PHF21A: variants seen among roughly 807,000 people sequenced by gnomAD.
The protein encoded by PHF21A is BHC80a.
A neutral mutation model predicts 82.5 loss-of-function variants in PHF21A; 11 were observed. That is an observed-to-expected ratio of 0.13 (90% confidence interval 0.08 to 0.22). PHF21A has a LOEUF of 0.22. PHF21A is among the 10% of genes least tolerant of loss of function. The pLI, the probability that PHF21A is intolerant of heterozygous loss-of-function variation, is 1.00. For synonymous variants in PHF21A, 297 were observed against 302.8 expected, an observed-to-expected ratio of 0.98 and a Z score of 0.20; for missense variants, 579 against 837.8, an observed-to-expected ratio of 0.69 and a Z score of 3.81.
At position 45,932,414 on chromosome 11, in the gene PHF21A, G is replaced by A. The variant is rs1027311293; in HGVS notation, c.*1554C>T. The A allele has an allele frequency of 5.3e-5, 8 of 152,214 alleles. No homozygotes were observed. The highest frequency in any genetic ancestry group is 4.6e-4 in the Admixed American group (7 of 15,278). 9.4% of individuals were successfully genotyped at this position (152,214 alleles called of 1,614,324 possible). A position where few individuals can be genotyped will look rare whatever the true frequency, so the allele number is the denominator to read the frequency against. ...ACAAGATCCCTGCACCAAGAAGAGA[G>A]CACGGTCTTTTCTGAGGAGAGAGAA... is the stretch of plus-strand genomic sequence containing the variant. On this transcript the variant is annotated 3_prime_UTR_variant, in exon 19 of 19. Transcript: ENST00000676320. The surrounding 1 kb of genome is among the most constrained non-coding windows in gnomAD (Gnocchi z 4.3).
At chr11:46,062,371 T>C (rs2096545943) in intron 6 of PHF21A, among the ~76,000 whole-genome samples, 1 of 152,182 alleles carries the variant, frequency 6.6e-6, no homozygotes, top group African/African-American at 2.4e-5. Flanking sequence ...TCTTAAAATT[T>C]TTCTCTATTC....
intron 6 of PHF21A, among the ~76,000 whole-genome samples, chr11:46,074,352 T>C (rs1393170071): frequency 2.0e-5 from 3 of 152,142 alleles, no homozygotes; most frequent in Non-Finnish European, 4.4e-5. Flanking sequence ...AAAAAATTAA[T>C]GTTAACTTAA....
chr11:46,018,671 A>G (rs1037339669), intron 6 of PHF21A, among the ~76,000 whole-genome samples: 2 of 152,236 alleles, frequency 1.3e-5, no homozygotes, highest in African/African-American at 4.8e-5. Context: ...GGCAAAAGAT[A>G]ATTTGGTAAA....
rs978626678 is a variant in PHF21A, at chr11:46,025,842, G to C, written c.154-45876C>G. Among the ~76,000 whole-genome samples, 3 of 152,204 alleles carry C rather than the reference G, an allele frequency of 2.0e-5. No individual in the cohort carries two copies. The South Asian group carries it at 6.2e-4, about 32-fold the overall frequency. Reference sequence around the variant, plus strand: ...CATCGGCAGATATGTGATGGAGCAAGTATAGGTGATGGGCTGTGACTGCTC... The same window carrying C: ...CATCGGCAGATATGTGATGGAGCAACTATAGGTGATGGGCTGTGACTGCTC... On this transcript the variant is annotated intron_variant, in intron 6 of 18. Transcript: ENST00000676320.
chr11:46,067,295 A>G (rs2096605827), intron 6 of PHF21A, among the ~76,000 whole-genome samples: 1 of 152,180 alleles, frequency 6.6e-6, no homozygotes, highest in African/African-American at 2.4e-5. Context: ...CAAGTATCTG[A>G]AAAGTCTAGA....
chr11:46,090,575 A>G lies in PHF21A; in HGVS notation c.-195-9T>C, dbSNP rs2096912134. The G allele has an allele frequency of 6.6e-6, 1 of 152,192 alleles. No homozygotes were observed. Among genetic ancestry groups the G allele is most frequent in the Non-Finnish European group, 1.5e-5 (1 of 68,034 alleles). 9.4% of individuals were successfully genotyped at this position (152,192 alleles called of 1,614,324 possible). ...AAAGGTTCTGAGAAGTCCTGCAGTAAAGAAACCTGTTTAACTTTGTTTAAT... is the reference window on the plus strand; with the variant it reads ...AAAGGTTCTGAGAAGTCCTGCAGTAGAGAAACCTGTTTAACTTTGTTTAAT... On this transcript the variant is annotated splice_polypyrimidine_tract_variant and intron_variant, in intron 2 of 18. Coordinates refer to ENST00000676320, the MANE Select transcript of PHF21A (RefSeq NM_001352027.3).
chr11:46,020,401 T>C (rs1179313547), intron 6 of PHF21A, among the ~76,000 whole-genome samples: 2 of 152,110 alleles, frequency 1.3e-5, no homozygotes, highest in East Asian at 3.8e-4. Flanking sequence ...CTGACACTGT[T>C]CGATGGGTCT....
intron 1 of PHF21A, among the ~76,000 whole-genome samples, chr11:46,110,147 C>T (rs912266672): frequency 1.3e-5 from 2 of 152,036 alleles, no homozygotes; most frequent in African/African-American, 2.4e-5. Context: ...AATTTACATA[C>T]ACAACTTTAG....
rs754937092 is a variant in PHF21A, at chr11:45,981,940, C to CTTTTTTTTTTTTTTTTT, written c.154-1991_154-1975dup. On this transcript the variant is annotated intron_variant, in intron 6 of 18. Transcript: ENST00000676320. The stretch of plus-strand genomic sequence containing the variant: ...GGTTTGTTTCTCTCTTTTTGTTTTT[C>CTTTTTTTTTTTTTTTTT]TTTTTTTTTTTTTTTTTTTTTTTTT... Among the ~76,000 whole-genome samples the CTTTTTTTTTTTTTTTTT allele has an allele frequency of 1.7e-3, 137 of 78,286 alleles. 1 individual carries two copies. Among genetic ancestry groups the CTTTTTTTTTTTTTTTTT allele is most frequent in the South Asian group, 2.7e-3 (5 of 1,832 alleles). The allele number at this position is 78,286 out of a possible 152,430, so 51.4% of individuals were successfully genotyped here. A position where few individuals can be genotyped will look rare whatever the true frequency, so the allele number is the denominator to read the frequency against.
chr11:46,009,758 A>G (rs1463718868), intron 6 of PHF21A, among the ~76,000 whole-genome samples: 1 of 152,136 alleles, frequency 6.6e-6, no homozygotes, highest in Non-Finnish European at 1.5e-5. Context: ...CAATACAATT[A>G]ATATAATTCT....
At chr11:45,961,650 A>C (rs565870107) in intron 10 of PHF21A, among the ~76,000 whole-genome samples, 2 of 151,876 alleles carry the variant, frequency 1.3e-5, no homozygotes, top group Admixed American at 1.3e-4. Flanking sequence ...TGTTACATAG[A>C]AGTCTTTGTT....
intron 6 of PHF21A, among the ~76,000 whole-genome samples, chr11:46,056,562 G>T (rs188746719): frequency 1.2e-4 from 19 of 152,212 alleles, no homozygotes; most frequent in Non-Finnish European, 1.5e-5. Flanking sequence ...GGAGACAGGA[G>T]AAATTAACAG....
chr11:45,973,810 T>C (rs957789316), intron 7 of PHF21A, among the ~76,000 whole-genome samples: 2 of 152,224 alleles, frequency 1.3e-5, no homozygotes, highest in African/African-American at 4.8e-5. Context: ...AATCCAGTGC[T>C]ATCGTGGATT....
rs912002228 is a variant in PHF21A at position 46,014,776 on chromosome 11, C to T, written c.154-34810G>A. 9.5e-5 allele frequency among the ~76,000 whole-genome samples: 5 copies of T among 52,396 alleles called. 1 individual carries two copies. The highest frequency in any genetic ancestry group is 6.0e-4 in the African/African-American group (3 of 4,960). 34.4% of individuals were successfully genotyped at this position (52,396 alleles called of 152,430 possible). On this transcript the variant is annotated intron_variant, in intron 6 of 18. Coordinates refer to ENST00000676320, the MANE Select transcript of PHF21A (RefSeq NM_001352027.3). ...CGGGCGGATCACGAGGTCAGGAGAT[C>T]GAGACCATCCCGGCTAAAACGGTGA...
chr11:46,117,431 T>C (rs1851644060), intron 1 of PHF21A: 1 of 152,232 alleles, frequency 6.6e-6, no homozygotes, highest in African/African-American at 2.4e-5. Flanking sequence ...CTACCACTGA[T>C]ACAACTTGAC....
intron 6 of PHF21A, among the ~76,000 whole-genome samples, chr11:46,003,529 C>T (rs2095211528): frequency 1.3e-5 from 2 of 152,076 alleles, no homozygotes; most frequent in South Asian, 2.1e-4. Flanking sequence ...TTTTAAAACA[C>T]CATAAAGCTG....
chr11:46,050,641 A>G (rs1334304939), intron 6 of PHF21A, among the ~76,000 whole-genome samples: 3 of 152,248 alleles, frequency 2.0e-5, no homozygotes, highest in Admixed American at 1.3e-4. Context: ...TATTAAGCAC[A>G]ATGTTCAAGA....
In PHF21A at chr11:45,930,455, A is replaced by G. The variant is rs1025805355; in HGVS notation, c.*3513T>C. ...TAACTGCCTCCCTATGTCAGGTACA[A>G]CCAGCAGGCTTACCCCAAAGGGCCT... On this transcript the variant is annotated 3_prime_UTR_variant, in exon 19 of 19. Coordinates refer to ENST00000676320, the MANE Select transcript of PHF21A (RefSeq NM_001352027.3). The G allele has an allele frequency of 6.6e-6, 1 of 152,380 alleles. No individual in the cohort carries two copies. The highest frequency in any genetic ancestry group is 1.5e-5 in the Non-Finnish European group (1 of 68,156). 9.4% of individuals were successfully genotyped at this position (152,380 alleles called of 1,614,324 possible).
intron 14 of PHF21A, among the ~76,000 whole-genome samples, chr11:45,946,446 C>T (rs925593082): frequency 1.8e-4 from 27 of 152,162 alleles, no homozygotes; most frequent in African/African-American, 4.8e-4. Flanking sequence ...TGCTGTGGCA[C>T]GATCTCGGCT....
Sources: gnomAD v4.1 joint callset for allele counts (sites outside exome capture counted in the v4.1 genomes callset) on GRCh38, gnomAD v4.1.1 for gene constraint, Gnocchi (gnomAD v3.1) non-coding constraint, MANE v1.5 for transcripts, NCBI Gene and HGNC (gene_info 2026-07-23, HGNC 2026-07-21) for gene names.